The following ARSG variants were observed in gnomAD, a reference collection of about 807,000 sequenced individuals.
ARSG encodes the protein arylsulfatase G, also known as ASG.
A neutral mutation model predicts 50.5 loss-of-function variants in ARSG; 37 were observed. That is an observed-to-expected ratio of 0.73 (90% confidence interval 0.56 to 0.96). The LOEUF (loss-of-function observed/expected upper bound fraction) is 0.96, where lower values mean the gene tolerates loss of function less well. Among genes scored for constraint, ARSG ranks in the 50% least tolerant of loss-of-function variants. The probability of loss-of-function intolerance (pLI) is 0.00; values close to 1 mark genes in which losing one functional copy is unlikely to be tolerated. For synonymous variants in ARSG, 225 were observed against 254.6 expected (o/e 0.88, Z 1.11); for missense variants, 629 against 675.3 (o/e 0.93, Z 0.76).
At chr17:68,285,567 G>A (rs1250833957) in intron 1 of ARSG, 1 of 152,356 alleles carries the variant, frequency 6.6e-6, no homozygotes, top group African/African-American at 2.4e-5. Flanking sequence ...CTACTCGGGA[G>A]GCTGCGGTGG....
rs1003562102 is a variant in ARSG, at chr17:68,395,315, C to T, written c.1212+122C>T. On this transcript the variant is annotated intron_variant, in intron 10 of 11. Transcript: ENST00000621439. ...TCAAGAACAGGCTGCAGGTCGGATA[C>T]AGTGGCTCACGCCTGTAATCCCAGC... 6 of 1,438,276 alleles carry T rather than the reference C, an allele frequency of 4.2e-6. No individual in the cohort carries two copies. In the Admixed American group the frequency reaches 1.2e-4, roughly 28 times the overall value. 89.1% of individuals were successfully genotyped at this position (1,438,276 alleles called of 1,614,324 possible).
At position 68,347,138 on chromosome 17, in the gene ARSG, T is replaced by C. The variant is rs1461351069; in HGVS notation, c.420T>C (p.Leu140=). 2 of 1,614,020 alleles carry C rather than the reference T, an allele frequency of 1.2e-6. No homozygotes were observed. The highest frequency in any genetic ancestry group is 1.7e-6 in the Non-Finnish European group (2 of 1,180,010). Residue 140 remains leucine (L), a synonymous_variant, in exon 4 of 12, where the codon CTT becomes CTC. Transcript: ENST00000621439. ...GTTTTTCTACAGGCAAATGGCATCT[T>C]GGACACCACGGCTCTTATCACCCCA... ...YVTGIIGKWH[L]GHHGSYHPNF...
In ARSG at chr17:68,341,745, AG is replaced by A. The variant is rs1341548364; in HGVS notation, c.219-1858del. Among the ~76,000 whole-genome samples the A allele has an allele frequency of 1.2e-4, 18 of 152,342 alleles. No individual in the cohort carries two copies. The East Asian group carries it at 3.1e-3, about 26-fold the overall frequency. ...GTTCCTTGAGGATAGGATAATGGCT[AG>A]AATTCTTTTGTATTTCTCAACAATG... On this transcript the variant is annotated intron_variant, in intron 2 of 11. Coordinates refer to ENST00000621439, the MANE Select transcript of ARSG (RefSeq NM_001267727.2).
intron 2 of ARSG, among the ~76,000 whole-genome samples, chr17:68,328,306 T>C (rs1022075138): frequency 6.6e-6 from 1 of 152,170 alleles, no homozygotes; most frequent in African/African-American, 2.4e-5. Flanking sequence ...CTAATTACTT[T>C]ATGTACATCA....
intron 6 of ARSG, among the ~76,000 whole-genome samples, chr17:68,362,803 C>T (rs2079359218): frequency 3.9e-5 from 6 of 152,090 alleles, no homozygotes; most frequent in Admixed American, 2.6e-4. Context: ...TTTAAATAAT[C>T]ATCTTATTTA....
chr17:68,369,712 T>A (rs1057010341), intron 7 of ARSG, among the ~76,000 whole-genome samples: 2 of 152,184 alleles, frequency 1.3e-5, no homozygotes, highest in Non-Finnish European at 2.9e-5. Flanking sequence ...TAACCGAATC[T>A]ACTCCATAGC....
At position 68,307,680 on chromosome 17, in the gene ARSG, A is replaced by C. The variant is rs1399216526; in HGVS notation, c.187A>C (p.Asn63His). The C allele has an allele frequency of 6.2e-7, 1 of 1,601,372 alleles. No individual in the cohort carries two copies. Among genetic ancestry groups the C allele is most frequent in the Non-Finnish European group, 8.6e-7 (1 of 1,168,560 alleles). Reference protein sequence around the residue: ...ANWAETKDTANLDKMASEGMR... With the variant: ...ANWAETKDTAHLDKMASEGMR... ...CTGGGCAGAAACAAAGGACACTGCC[A>C]ACCTTGATAAGATGGCTTCGGAGGG... Residue 63 changes from asparagine to histidine, a missense_variant, in exon 2 of 12, where the codon AAC (asparagine) becomes CAC (histidine). Physicochemically the swap from Asn to His is moderately conservative, Grantham distance 68 (BLOSUM62 1). Transcript: ENST00000621439.
chr17:68,292,009 G>T (rs989457351), intron 1 of ARSG, among the ~76,000 whole-genome samples: 2 of 151,946 alleles, frequency 1.3e-5, no homozygotes, highest in African/African-American at 4.8e-5. Flanking sequence ...CTCCTGCAGC[G>T]CCCACTTCCC....
intron 8 of ARSG, among the ~76,000 whole-genome samples, chr17:68,383,522 G>A (rs150229867): frequency 2.0e-5 from 3 of 152,312 alleles, no homozygotes; most frequent in East Asian, 1.9e-4. Context: ...CAGGCTCCCC[G>A]TTTTCACCCA....
chr17:68,266,487 T>C (rs2075168836), intron 1 of ARSG, among the ~76,000 whole-genome samples: 1 of 140,130 alleles, frequency 7.1e-6, no homozygotes, highest in Non-Finnish European at 1.5e-5. Flanking sequence ...TTTTTTTTTG[T>C]ATAAAAAGTA....
In ARSG at chr17:68,420,218, G is replaced by A; in HGVS notation, c.1333G>A (p.Gly445Arg). 7 of 1,614,086 alleles carry A rather than the reference G, an allele frequency of 4.3e-6. No individual in the cohort carries two copies. Among genetic ancestry groups the A allele is most frequent in the South Asian group, 1.1e-5 (1 of 91,068 alleles). Residue 445 changes from glycine (G) to arginine (R), a missense_variant, in exon 12 of 12, where the codon GGG becomes AGG. Gly to Arg is a moderately radical substitution (Grantham distance 125). Transcript: ENST00000621439. The part of the protein sequence containing the change: ...GGARACDGST[G>R]PELQHKFPLI... ...AGCCAGGGCGTGTGATGGGAGCACG[G>A]GGCCTGAGCTGCAGCATAAGTTTCC...
At position 68,396,195 on chromosome 17, in the gene ARSG, TTAGTA is replaced by T. The variant is rs1323067215; in HGVS notation, c.1212+1006_1212+1010del. On this transcript the variant is annotated intron_variant, in intron 10 of 11. Coordinates refer to ENST00000621439, the MANE Select transcript of ARSG (RefSeq NM_001267727.2). The stretch of plus-strand genomic sequence containing the variant: ...CCATGCTCAGCTAATTTTTGTATCT[TTAGTA>T]TAGGTGAGGTTTCACCATCTTGACC... Among the ~76,000 whole-genome samples, 12 of 152,076 alleles carry T rather than the reference TTAGTA, an allele frequency of 7.9e-5. No individual in the cohort carries two copies. In the South Asian group the frequency reaches 1.9e-3, roughly 24 times the overall value.
At chr17:68,401,283 A>G (rs1470176978) in intron 10 of ARSG, 77 bp from the exon 11 acceptor site, 2 of 1,317,188 alleles carry the variant, frequency 1.5e-6, no homozygotes, top group Admixed American at 1.8e-5. Flanking sequence ...TCGACCTCCC[A>G]AGGTATTGGG....
chr17:68,313,879 A>G (rs2076966515), intron 2 of ARSG, among the ~76,000 whole-genome samples: 1 of 151,940 alleles, frequency 6.6e-6, no homozygotes, highest in Non-Finnish European at 1.5e-5. Flanking sequence ...GAGTTTTGCC[A>G]TGTTGGCCAG....
intron 6 of ARSG, among the ~76,000 whole-genome samples, chr17:68,357,717 G>A (rs1804399541): frequency 6.6e-6 from 1 of 152,142 alleles, no homozygotes; most frequent in Non-Finnish European, 1.5e-5. Context: ...AAGGCATTAG[G>A]GAGTGGTGGG....
chr17:68,270,752 T>TAAAAA (rs2075312507), intron 1 of ARSG: 5 of 1,195,074 alleles, frequency 4.2e-6, no homozygotes, highest in Non-Finnish European at 5.9e-6. Flanking sequence ...AAAACGGCAG[T>TAAAAA]AAGTTTTTTT....
chr17:68,329,208 G>A (rs1268064350), intron 2 of ARSG, among the ~76,000 whole-genome samples: 1 of 152,190 alleles, frequency 6.6e-6, no homozygotes, highest in Non-Finnish European at 1.5e-5. Context: ...ACAAGAAAAG[G>A]GCCTGAGGCC....
chr17:68,384,923 T>C (rs1239484830), intron 8 of ARSG, 141 bp from the exon 9 acceptor site: 2 of 636,166 alleles, frequency 3.1e-6, no homozygotes, highest in Non-Finnish European at 5.6e-6. Flanking sequence ...TTGAGGGAAA[T>C]AGCTGGTTAC....
the ARSG span, among the ~76,000 whole-genome samples, chr17:68,444,222 T>C: frequency 6.6e-6 from 1 of 152,222 alleles, no homozygotes; most frequent in East Asian, 1.9e-4. Flanking sequence ...ATGTCTACCT[T>C]ACGTGCCTTG....
Sources: allele counts gnomAD v4.1 joint callset (sites outside exome capture counted in the v4.1 genomes callset), GRCh38; gene constraint gnomAD v4.1.1; transcripts MANE v1.5; gene names NCBI Gene and HGNC (gene_info 2026-07-23, HGNC 2026-07-21).